PAPLN: variants seen among roughly 807,000 people sequenced by gnomAD.
PAPLN encodes the protein papilin.
PAPLN carries 146 observed loss-of-function variants against 159.0 expected under a neutral mutation model. The observed-to-expected ratio is 0.92, with a 90% confidence interval of 0.80 to 1.05. The LOEUF is 1.05. PAPLN is among the 50% of genes least tolerant of loss of function. The probability of loss-of-function intolerance (pLI) is 0.00; values close to 1 mark genes in which losing one functional copy is unlikely to be tolerated. For synonymous variants in PAPLN, 734 were observed against 702.9 expected (o/e 1.04, Z -0.70); for missense variants, 1,720 against 1,743.9 (o/e 0.99, Z 0.24).
chr14:73,254,399 T>C, intron 12 of PAPLN, 114 bp from the exon 13 acceptor site: 2 of 1,308,808 alleles, frequency 1.5e-6, no homozygotes, highest in Non-Finnish European at 2.1e-6. Flanking sequence ...GGGAAGGACA[T>C]GGGCAGTTGG....
At position 73,255,001 on chromosome 14, in the gene PAPLN, C is replaced by G. The variant is rs1566689476; in HGVS notation, c.1610C>G (p.Pro537Arg). The G allele has an allele frequency of 6.2e-7, 1 of 1,613,440 alleles. No homozygotes were observed. Among genetic ancestry groups the G allele is most frequent in the Non-Finnish European group, 8.5e-7 (1 of 1,179,830 alleles). Reference protein sequence around the residue: ...PVDVEPCNTQPCHLPQEVPSM... With the variant: ...PVDVEPCNTQRCHLPQEVPSM... ...GATGTGGAGCCTTGTAACACGCAGCCCTGTCATCTCCCCCAGGGTAAGGAC... is the reference window on the plus strand; with the variant it reads ...GATGTGGAGCCTTGTAACACGCAGCGCTGTCATCTCCCCCAGGGTAAGGAC... Residue 537 changes from proline (P) to arginine (R), a missense_variant, in exon 14 of 27, where the codon CCC becomes CGC. Physicochemically the swap from Pro to Arg is moderately radical, Grantham distance 103 (BLOSUM62 -2). Transcript: ENST00000644200.
In PAPLN at chr14:73,262,642, G is replaced by A. The variant is rs764255412; in HGVS notation, c.2538G>A (p.Ala846=). ...CCAGCCAGCACAGGACAGGGGCCGC[G>A]GTGCAGAGAAAGCCCTGGCCTTCTG... The part of the protein sequence containing the change: ...QEPSQHRTGA[A]VQRKPWPSGG... Residue 846 remains alanine, a synonymous_variant, in exon 19 of 27, where the codon GCG becomes GCA. Transcript: ENST00000644200. 2.3e-5 allele frequency: 34 copies of A among 1,508,346 alleles called. No homozygotes were observed. Among genetic ancestry groups the A allele is most frequent in the Admixed American group, 6.5e-5 (3 of 46,454 alleles). 93.4% of individuals were successfully genotyped at this position (1,508,346 alleles called of 1,614,324 possible). A position where few individuals can be genotyped will look rare whatever the true frequency, so the allele number is the denominator to read the frequency against.
chr14:73,252,029 G>A lies in PAPLN; in HGVS notation c.855G>A (p.Gln285=), dbSNP rs1435117303. 4 of 1,609,338 alleles carry A rather than the reference G, an allele frequency of 2.5e-6. No individual in the cohort carries two copies. In the African/African-American group the frequency reaches 5.3e-5, roughly 21 times the overall value. ...CTCTCCCGTGACAGCTCATCAGCCAGGAGCCCAACCCCGGTGTGCACTATG... is the reference window on the plus strand; with the variant it reads ...CTCTCCCGTGACAGCTCATCAGCCAAGAGCCCAACCCCGGTGTGCACTATG... ...SEPLVIELIS[Q]EPNPGVHYEY... is the part of the protein sequence containing the mutation. The change falls in exon 10 of 27, where the codon CAG becomes CAA. Residue 285 remains glutamine, a synonymous_variant. Coordinates refer to ENST00000644200, the MANE Select transcript of PAPLN (RefSeq NM_001365906.3).
rs747639765 is a variant in PAPLN, at chr14:73,262,671, G to T, written c.2567G>T (p.Gly856Val). The T allele has an allele frequency of 5.3e-6, 8 of 1,505,240 alleles. No individual in the cohort carries two copies. Among genetic ancestry groups the T allele is most frequent in the South Asian group, 1.4e-5 (1 of 73,422 alleles). The allele number at this position is 1,505,240 out of a possible 1,614,324, so 93.2% of individuals were successfully genotyped here. A position where few individuals can be genotyped will look rare whatever the true frequency, so the allele number is the denominator to read the frequency against. The change falls in exon 19 of 27, where the codon GGT becomes GTT. Residue 856 changes from glycine (G) to valine (V), a missense_variant. Gly to Val is a moderately radical substitution (Grantham distance 109). Coordinates refer to ENST00000644200, the MANE Select transcript of PAPLN (RefSeq NM_001365906.3). ...AVQRKPWPSG[G>V]LWRQDQQPGP... ...CAGAGAAAGCCCTGGCCTTCTGGTGGTCTCTGGCGGCAAGACCAACAGCCT... is the reference window on the plus strand; with the variant it reads ...CAGAGAAAGCCCTGGCCTTCTGGTGTTCTCTGGCGGCAAGACCAACAGCCT...
chr14:73,254,031 T>TAG (rs1411454726), intron 12 of PAPLN, 70 bp downstream of exon 12: 5 of 1,500,672 alleles, frequency 3.3e-6, no homozygotes, highest in Non-Finnish European at 4.5e-6. Context: ...GGGGTCTTGT[T>TAG]CTCTGCTGTG....
In PAPLN at chr14:73,257,963, C is replaced by T. The variant is rs141369393; in HGVS notation, c.1628-1016C>T. On this transcript the variant is annotated intron_variant, in intron 14 of 26. Transcript: ENST00000644200. Reference sequence around the variant, plus strand: ...ATTTTCAGTAGAGATGGGGTTTCACCATGTTGGCCAGGCTGGTCTCGAAAC... The same window carrying T: ...ATTTTCAGTAGAGATGGGGTTTCACTATGTTGGCCAGGCTGGTCTCGAAAC... 7.2e-3 allele frequency among the ~76,000 whole-genome samples: 1,089 copies of T among 152,072 alleles called. 19 individuals are homozygous for T. Among genetic ancestry groups the T allele is most frequent in the African/African-American group, 0.025 (1,038 of 41,500 alleles).
At position 73,265,561 on chromosome 14, in the gene PAPLN, C is replaced by T; in HGVS notation, c.3263+54C>T. On this transcript the variant is annotated intron_variant, in intron 23 of 26. Coordinates refer to ENST00000644200, the MANE Select transcript of PAPLN (RefSeq NM_001365906.3). The surrounding 1 kb of genome is among the most constrained non-coding windows in gnomAD (Gnocchi z 4.1). ...TATTCTGCCTCCAGCCCCACCTTAT[C>T]CTATGGAGGCCACCGGGGAAGGGAG... 2.5e-6 allele frequency: 4 copies of T among 1,586,394 alleles called. No homozygotes were observed. The highest frequency in any genetic ancestry group is 3.4e-6 in the Non-Finnish European group (4 of 1,163,968).
At chr14:73,240,626 C>T (rs1219877923) in intron 2 of PAPLN, among the ~76,000 whole-genome samples, 1 of 152,084 alleles carries the variant, frequency 6.6e-6, no homozygotes. Flanking sequence ...TTTAAACAGC[C>T]GCATGCGGCT....
At position 73,251,758 on chromosome 14, in the gene PAPLN, C is replaced by T. The variant is rs766196585; in HGVS notation, c.765C>T (p.Tyr255=). ...CAGCAGCCAGCACCATCCTGCATTA[C>T]GAGCGGGGTGCTGAGGGGGACCTGG... ...ALPAASTILH[Y]ERGAEGDLAP... Residue 255 remains tyrosine (Y), a synonymous_variant, in exon 9 of 27, where the codon TAC becomes TAT. Coordinates refer to ENST00000644200, the MANE Select transcript of PAPLN (RefSeq NM_001365906.3). 38 of 1,612,492 alleles carry T rather than the reference C, an allele frequency of 2.4e-5. No homozygotes were observed. Among genetic ancestry groups the T allele is most frequent in the East Asian group, 1.8e-4 (8 of 44,892 alleles).
intron 2 of PAPLN, chr14:73,243,767 A>T (rs1484870051): frequency 6.6e-6 from 1 of 152,152 alleles, no homozygotes; most frequent in Non-Finnish European, 1.5e-5. Context: ...CCCAAATAAC[A>T]GTTCTTCAAT....
At chr14:73,251,336 A>G (rs1457387045) in intron 7 of PAPLN, 150 bp from the exon 8 acceptor site, 4 of 925,152 alleles carry the variant, frequency 4.3e-6, no homozygotes, top group African/African-American at 1.7e-5. Flanking sequence ...CTCTTCTGCC[A>G]GGGTTGCCTT....
intron 14 of PAPLN, among the ~76,000 whole-genome samples, chr14:73,256,956 T>C (rs143494484): frequency 6.6e-6 from 1 of 152,278 alleles, no homozygotes; most frequent in Non-Finnish European, 1.5e-5. Flanking sequence ...ATGTAGTCCA[T>C]GTGGGAATGG....
chr14:73,250,011 T>C lies in PAPLN; in HGVS notation c.362T>C (p.Ile121Thr), dbSNP rs746380519. 6.2e-7 allele frequency: 1 copy of C among 1,612,040 alleles called. No individual in the cohort carries two copies. The highest frequency in any genetic ancestry group is 1.7e-5 in the Admixed American group (1 of 59,746). Residue 121 changes from isoleucine (I) to threonine (T), a missense_variant, in exon 6 of 27, where the codon ATT (isoleucine) becomes ACT (threonine). Ile to Thr is a moderately conservative substitution (Grantham distance 89, BLOSUM62 -1). Coordinates refer to ENST00000644200, the MANE Select transcript of PAPLN (RefSeq NM_001365906.3). ...SAPNKCELNC[I>T]PKGENFYYKH... is the part of the protein sequence containing the mutation. ...CCAAACAAGTGTGAACTGAACTGCA[T>C]TCCCAAGGGGGAGAACTTCTACTAC...
At chr14:73,272,324 T>A in intron 26 of PAPLN, 171 bp from the exon 27 acceptor site, 1 of 515,692 alleles carries the variant, frequency 1.9e-6, no homozygotes, top group Non-Finnish European at 3.2e-6. Context: ...GAAATCATCA[T>A]CCCTCATAGA....
Position 73,245,211 on chromosome 14 carries a change from G to T in PAPLN, c.171-425G>T. The T allele has an allele frequency of 4.6e-6, 1 of 215,592 alleles. No individual in the cohort carries two copies. Among genetic ancestry groups the T allele is most frequent in the Admixed American group, 5.1e-5 (1 of 19,424 alleles). 13.4% of individuals were successfully genotyped at this position (215,592 alleles called of 1,614,324 possible). A position where few individuals can be genotyped will look rare whatever the true frequency, so the allele number is the denominator to read the frequency against. The stretch of plus-strand genomic sequence containing the variant: ...ACAGAAGGAGTAGTGAGGTGCCTCT[G>T]TCCCGGTTTGTATAGGGGTTGTTCC... On this transcript the variant is annotated intron_variant, in intron 3 of 26. Transcript: ENST00000644200. This position sits in a 1 kb window ranked among gnomAD's most constrained non-coding sequence, Gnocchi z 4.2.
chr14:73,263,453 G>A lies in PAPLN; in HGVS notation c.2724-192G>A, dbSNP rs565897946. The A allele has an allele frequency of 3.9e-5, 26 of 666,850 alleles. No homozygotes were observed. In the South Asian group the frequency reaches 4.6e-4, roughly 12 times the overall value. 41.3% of individuals were successfully genotyped at this position (666,850 alleles called of 1,614,324 possible). A position where few individuals can be genotyped will look rare whatever the true frequency, so the allele number is the denominator to read the frequency against. ...GAGGCAGTGATGCTTGGGGGAGCCGGGGGCAGGTTGGGGAGGGTAGATTCC... is the reference window on the plus strand; with the variant it reads ...GAGGCAGTGATGCTTGGGGGAGCCGAGGGCAGGTTGGGGAGGGTAGATTCC... On this transcript the variant is annotated intron_variant, in intron 19 of 26. Coordinates refer to ENST00000644200, the MANE Select transcript of PAPLN (RefSeq NM_001365906.3).
intron 19 of PAPLN, chr14:73,263,082 G>T: frequency 4.9e-6 from 2 of 411,264 alleles, no homozygotes; most frequent in Admixed American, 4.0e-5. Flanking sequence ...ATCAGATCTC[G>T]CCAGTATACC....
At chr14:73,238,667 C>T (rs769650240) in intron 1 of PAPLN, among the ~76,000 whole-genome samples, 29 of 152,232 alleles carry the variant, frequency 1.9e-4, no homozygotes, top group Non-Finnish European at 3.2e-4. Context: ...TGGCAGCAAC[C>T]CCCTTCCCTC....
In PAPLN at chr14:73,266,289, C is replaced by T. The variant is rs139960910; in HGVS notation, c.3264-212C>T. ...GGCAGAGGTTGCAGTGAGCTGAGAT[C>T]GCACCACCGAAAGCGCCAGCAGCTG... On this transcript the variant is annotated intron_variant, in intron 23 of 26. Coordinates refer to ENST00000644200, the MANE Select transcript of PAPLN (RefSeq NM_001365906.3). Among the ~76,000 whole-genome samples, 951 of 152,250 alleles carry T rather than the reference C, an allele frequency of 6.2e-3. 12 individuals are homozygous for T. The highest frequency in any genetic ancestry group is 0.021 in the African/African-American group (892 of 41,538).
Sources: gnomAD v4.1 joint callset for allele counts (sites outside exome capture counted in the v4.1 genomes callset) on GRCh38, gnomAD v4.1.1 for gene constraint, Gnocchi (gnomAD v3.1) non-coding constraint, MANE v1.5 for transcripts, NCBI Gene and HGNC (gene_info 2026-07-23, HGNC 2026-07-21) for gene names.